Variants in COQ5 observed in about 807,000 individuals in gnomAD.
COQ5 encodes coenzyme Q5, methyltransferase.
A neutral mutation model predicts 40.5 loss-of-function variants in COQ5; 27 were observed. The ratio of observed to expected loss-of-function variants is 0.67; its 90% CI spans 0.49 to 0.92. The LOEUF (loss-of-function observed/expected upper bound fraction) is 0.92, where lower values mean the gene tolerates loss of function less well. Among genes scored for constraint, COQ5 ranks in the 40% least tolerant of loss-of-function variants. The pLI is 0.00. For missense variants in COQ5, 409 were observed against 406.4 expected, an observed-to-expected ratio of 1.01 and a Z score of -0.06; for synonymous variants, 141 against 150.0, an observed-to-expected ratio of 0.94 and a Z score of 0.44.
chr12:120,505,886 G>A (rs1353434377), intron 4 of COQ5, among the ~76,000 whole-genome samples: 1 of 149,654 alleles, frequency 6.7e-6, no homozygotes, highest in African/African-American at 2.5e-5. Context: ...ACAGAGTTTC[G>A]CTCTTGTTGC....
intron 3 of COQ5, among the ~76,000 whole-genome samples, chr12:120,513,816 G>A (rs919056147): frequency 6.6e-6 from 1 of 151,896 alleles, no homozygotes; most frequent in African/African-American, 2.4e-5. Context: ...TACTGCGCCC[G>A]ACCACACATT....
At chr12:120,521,679 CAAA>C (rs71076625) in intron 2 of COQ5, among the ~76,000 whole-genome samples, 64 of 114,076 alleles carry the variant, frequency 5.6e-4, no homozygotes, top group Admixed American at 7.4e-4. Flanking sequence ...ACTCCATCTC[CAAA>C]AAAAAAAAAA....
chr12:120,506,040 A>G (rs1209935434), intron 4 of COQ5, among the ~76,000 whole-genome samples: 1 of 152,162 alleles, frequency 6.6e-6, no homozygotes, highest in South Asian at 2.1e-4. Flanking sequence ...TTTTTAGTAG[A>G]AAAAGGGTTT....
chr12:120,508,432 G>A (rs755998715), intron 4 of COQ5, among the ~76,000 whole-genome samples: 2 of 152,012 alleles, frequency 1.3e-5, no homozygotes, highest in African/African-American at 4.8e-5. Context: ...TATACACCTT[G>A]GCACAAAACA....
rs764373282 is a variant in COQ5, at chr12:120,529,060, CGA to C, written c.80_81del (p.Leu27ArgfsTer4). 2 of 1,614,018 alleles carry C rather than the reference CGA, an allele frequency of 1.2e-6. No homozygotes were observed. Among genetic ancestry groups the C allele is most frequent in the African/African-American group, 2.7e-5 (2 of 74,904 alleles). On this transcript the variant is annotated frameshift_variant, in exon 1 of 7. Coordinates refer to ENST00000288532, the MANE Select transcript of COQ5 (RefSeq NM_032314.4). LOFTEE classifies it high-confidence loss of function. Reference protein sequence around the residue: ...WSRAMRGCQLLGLRSSWPGDL... With the variant: ...WSRAMRGCQLXGLRSSWPGDL... ...TCCCCGGGCCAAGAGCTACGAAGCC[CGA>C]GGAGCTGGCAGCCCCGCATCGCCCG... is the stretch of plus-strand genomic sequence containing the variant.
chr12:120,513,760 T>C (rs1327178692), intron 3 of COQ5, among the ~76,000 whole-genome samples: 1 of 152,034 alleles, frequency 6.6e-6, no homozygotes, highest in Non-Finnish European at 1.5e-5. Flanking sequence ...CCTCAGGTGA[T>C]CTGCCTGCCT....
chr12:120,525,818 G>T (rs191933577), intron 1 of COQ5, among the ~76,000 whole-genome samples: 1 of 152,030 alleles, frequency 6.6e-6, no homozygotes, highest in Non-Finnish European at 1.5e-5. Context: ...CCAGCTACTC[G>T]GGAGGCTGAG....
chr12:120,528,571 GA>G (rs1870073257), intron 1 of COQ5, among the ~76,000 whole-genome samples: 1 of 152,152 alleles, frequency 6.6e-6, no homozygotes, highest in Non-Finnish European at 1.5e-5. Context: ...AGCACTTTGG[GA>G]GGCCGAGGCA....
At chr12:120,508,453 T>C (rs1298914051) in intron 4 of COQ5, among the ~76,000 whole-genome samples, 1 of 152,088 alleles carries the variant, frequency 6.6e-6, no homozygotes, top group African/African-American at 2.4e-5. Context: ...TCACAAACAC[T>C]TGTCTAAGGT....
At chr12:120,509,584 T>G (rs1466170300) in intron 4 of COQ5, among the ~76,000 whole-genome samples, 1 of 152,090 alleles carries the variant, frequency 6.6e-6, no homozygotes, top group African/African-American at 2.4e-5. Context: ...ATCCCAAAGA[T>G]GTGAATACCA....
chr12:120,526,521 G>C (rs894854018), intron 1 of COQ5: 3 of 452,878 alleles, frequency 6.6e-6, no homozygotes, highest in African/African-American at 6.0e-5. Flanking sequence ...AGTGATGCCA[G>C]CAAAAACTTT....
At chr12:120,506,986 A>G (rs926269911) in intron 4 of COQ5, among the ~76,000 whole-genome samples, 2 of 151,874 alleles carry the variant, frequency 1.3e-5, no homozygotes, top group Non-Finnish European at 2.9e-5. Context: ...GATGCCCGCC[A>G]CCATGCCTGG....
intron 1 of COQ5, chr12:120,523,935 G>A (rs527945749): frequency 2.4e-6 from 1 of 422,452 alleles, no homozygotes. Context: ...ACTGGAACCT[G>A]GAAGGTAGAG....
At chr12:120,514,319 C>T (rs1412245055) in intron 3 of COQ5, among the ~76,000 whole-genome samples, 1 of 151,926 alleles carries the variant, frequency 6.6e-6, no homozygotes, top group African/African-American at 2.4e-5. Flanking sequence ...CATAGACACT[C>T]ATGGTGGGGG....
At position 120,529,047 on chromosome 12, in the gene COQ5, G is replaced by C. The variant is rs771920119; in HGVS notation, c.95C>G (p.Ser32Cys). ...AGCACTTAGTAGGTCCCCGGGCCAA[G>C]AGCTACGAAGCCCGAGGAGCTGGCA... is the stretch of plus-strand genomic sequence containing the variant. ...RGCQLLGLRS[S>C]WPGDLLSARL... Residue 32 changes from serine (S) to cysteine (C), a missense_variant, in exon 1 of 7, where the codon TCT (serine) becomes TGT (cysteine). Ser to Cys is a moderately radical substitution (Grantham distance 112). Coordinates refer to ENST00000288532, the MANE Select transcript of COQ5 (RefSeq NM_032314.4). The C allele has an allele frequency of 1.2e-6, 2 of 1,614,164 alleles. No individual in the cohort carries two copies. Among genetic ancestry groups the C allele is most frequent in the South Asian group, 1.1e-5 (1 of 91,086 alleles).
chr12:120,503,622 A>T lies in COQ5; in HGVS notation c.*162T>A. 1.4e-6 allele frequency: 1 copy of T among 707,220 alleles called. No individual in the cohort carries two copies. 43.8% of individuals were successfully genotyped at this position (707,220 alleles called of 1,614,324 possible). A position where few individuals can be genotyped will look rare whatever the true frequency, so the allele number is the denominator to read the frequency against. On this transcript the variant is annotated 3_prime_UTR_variant, in exon 7 of 7. Coordinates refer to ENST00000288532, the MANE Select transcript of COQ5 (RefSeq NM_032314.4). ...CAAAGAAAGCTGTAAAAAAGTGACAAGAATTTGTTCTTCCACTTTGAGACT... is the reference window on the plus strand; with the variant it reads ...CAAAGAAAGCTGTAAAAAAGTGACATGAATTTGTTCTTCCACTTTGAGACT...
intron 4 of COQ5, among the ~76,000 whole-genome samples, chr12:120,507,568 G>A (rs1458504624): frequency 6.7e-6 from 1 of 148,472 alleles, no homozygotes; most frequent in Non-Finnish European, 1.5e-5. Context: ...ACAGGTGTGA[G>A]CCACCACGCC....
chr12:120,507,397 C>T (rs149070883), intron 4 of COQ5, among the ~76,000 whole-genome samples: 2 of 150,926 alleles, frequency 1.3e-5, no homozygotes, highest in African/African-American at 2.4e-5. Context: ...CGATTCTTCT[C>T]CCTCAGCCTC....
intron 2 of COQ5, among the ~76,000 whole-genome samples, chr12:120,519,619 C>T (rs1390613558): frequency 6.6e-6 from 1 of 150,898 alleles, no homozygotes; most frequent in African/African-American, 2.4e-5. Flanking sequence ...GCCTATAATC[C>T]CAGCACTTTG....
Sources: gnomAD v4.1 joint callset for allele counts (sites outside exome capture counted in the v4.1 genomes callset) on GRCh38, gnomAD v4.1.1 for gene constraint, MANE v1.5 for transcripts, NCBI Gene and HGNC (gene_info 2026-07-23, HGNC 2026-07-21) for gene names.